Variants in EMILIN2 observed in about 807,000 individuals in gnomAD.
The protein encoded by EMILIN2 is EMILIN-2.
A neutral mutation model predicts 87.1 loss-of-function variants in EMILIN2; 71 were observed. The ratio of observed to expected loss-of-function variants is 0.82; its 90% CI spans 0.67 to 0.99. The LOEUF is 0.99. Ranked by LOEUF, EMILIN2 falls within the 50% of genes least tolerant of loss-of-function variation. The pLI is 0.00. For synonymous variants in EMILIN2, 581 were observed against 563.4 expected (o/e 1.03, Z -0.44); for missense variants, 1,407 against 1,371.8 (o/e 1.03, Z -0.40).
intron 7 of EMILIN2, among the ~76,000 whole-genome samples, chr18:2,911,251 G>A (rs1442613298): frequency 2.0e-5 from 3 of 152,180 alleles, no homozygotes; most frequent in Non-Finnish European, 4.4e-5. Context: ...TCCCTTGGGG[G>A]GCCGTCCGCA....
At chr18:2,846,384 G>A (rs188932420), upstream of EMILIN2, among the ~76,000 whole-genome samples, 40 of 152,374 alleles carry the variant, frequency 2.6e-4, no homozygotes, top group African/African-American at 9.6e-4. The surrounding 1 kb of genome is among the most constrained non-coding windows in gnomAD (Gnocchi z 5.3). Flanking sequence ...TGCAGTAAGT[G>A]ATAGAGCCGG....
Position 2,891,888 on chromosome 18 carries a change from C to G in EMILIN2, c.1761C>G (p.Asn587Lys), listed in dbSNP as rs114143341. The G allele has an allele frequency of 3.0e-5, 49 of 1,614,246 alleles. No individual in the cohort carries two copies. In the East Asian group the frequency reaches 9.8e-4, roughly 32 times the overall value. Residue 587 changes from asparagine to lysine, a missense_variant, in exon 4 of 8, where the codon AAC (asparagine) becomes AAG (lysine). Physicochemically the swap from Asn to Lys is moderately conservative, Grantham distance 94. Transcript: ENST00000254528. The surrounding 1 kb of genome is among the most constrained non-coding windows in gnomAD (Gnocchi z 4.6). ...GCCTGCACCTTTTGAAATCTCTCAA[C>G]GACACGATGCACAGGAAGTTTCAAG... ...RDSLHLLKSL[N>K]DTMHRKFQET...
At chr18:2,873,429 T>C (rs890313566) in intron 2 of EMILIN2, among the ~76,000 whole-genome samples, 6 of 144,154 alleles carry the variant, frequency 4.2e-5, no homozygotes, top group Non-Finnish European at 9.0e-5. Context: ...AATAAATAGC[T>C]GGGCGCGGTA....
At chr18:2,863,478 C>G (rs2076671482) in intron 2 of EMILIN2, among the ~76,000 whole-genome samples, 1 of 152,138 alleles carries the variant, frequency 6.6e-6, no homozygotes, top group Non-Finnish European at 1.5e-5. Context: ...TCGTTATGTA[C>G]CCAGTAGTCA....
Position 2,847,467 on chromosome 18 carries a change from C to A in EMILIN2, c.134+145C>A, listed in dbSNP as rs918715880. On this transcript the variant is annotated intron_variant, in intron 1 of 7. Coordinates refer to ENST00000254528, the MANE Select transcript of EMILIN2 (RefSeq NM_032048.3). This position sits in a 1 kb window ranked among gnomAD's most constrained non-coding sequence, Gnocchi z 4.5. ...CCGGGCGGCTCCCTCTGCGGGGGAC[C>A]GCGCGCTCCGCAGCCGGCGCCTCAG... 3.0e-6 allele frequency: 3 copies of A among 988,310 alleles called. No individual in the cohort carries two copies. The allele number at this position is 988,310 out of a possible 1,614,324, so 61.2% of individuals were successfully genotyped here. A position where few individuals can be genotyped will look rare whatever the true frequency, so the allele number is the denominator to read the frequency against.
rs1043318221 is a variant in EMILIN2, at chr18:2,880,473, G to T, written c.258-4491G>T. On this transcript the variant is annotated intron_variant, in intron 2 of 7. Transcript: ENST00000254528. The surrounding 1 kb of genome is among the most constrained non-coding windows in gnomAD (Gnocchi z 4.1). ...CGAGGCGGCAGGGCGACAGGCCCAG[G>T]GTTACAGCCCCAAGGGCCGCCCCCG... Among the ~76,000 whole-genome samples, 2 of 152,210 alleles carry T rather than the reference G, an allele frequency of 1.3e-5. No individual in the cohort carries two copies. Among genetic ancestry groups the T allele is most frequent in the Non-Finnish European group, 2.9e-5 (2 of 68,032 alleles).
intron 2 of EMILIN2, among the ~76,000 whole-genome samples, chr18:2,860,507 G>C (rs966147017): frequency 6.6e-6 from 1 of 152,088 alleles, no homozygotes; most frequent in Non-Finnish European, 1.5e-5. Context: ...TTGTCCTTGT[G>C]ATAGTTTGCT....
In EMILIN2 at chr18:2,880,610, C is replaced by T. The variant is rs1007179432; in HGVS notation, c.258-4354C>T. On this transcript the variant is annotated intron_variant, in intron 2 of 7. Transcript: ENST00000254528. This position sits in a 1 kb window ranked among gnomAD's most constrained non-coding sequence, Gnocchi z 4.1. ...GCTGCAGCCGAGTCCGCCCCTCCAG[C>T]GCTGCGCAGCCCCGCCGCCTTAACT... Among the ~76,000 whole-genome samples, 2 of 152,236 alleles carry T rather than the reference C, an allele frequency of 1.3e-5. No homozygotes were observed. Among genetic ancestry groups the T allele is most frequent in the Non-Finnish European group, 2.9e-5 (2 of 68,040 alleles).
chr18:2,867,276 ATTC>A (rs1357335614), intron 2 of EMILIN2, among the ~76,000 whole-genome samples: 11 of 151,968 alleles, frequency 7.2e-5, no homozygotes, highest in Non-Finnish European at 1.3e-4. Context: ...ATTGGTACCA[ATTC>A]TTCTTTATTT....
intron 2 of EMILIN2, among the ~76,000 whole-genome samples, chr18:2,876,955 GTTA>G (rs1460052384): frequency 6.6e-6 from 1 of 152,160 alleles, no homozygotes; most frequent in African/African-American, 2.4e-5. Context: ...TTGCTTTCAT[GTTA>G]TTAATTTCTC....
In EMILIN2 at chr18:2,876,683, G is replaced by A. The variant is rs1320485656; in HGVS notation, c.258-8281G>A. Among the ~76,000 whole-genome samples the A allele has an allele frequency of 1.1e-4, 16 of 150,618 alleles. No homozygotes were observed. In the South Asian group the frequency reaches 2.2e-3, roughly 21 times the overall value. On this transcript the variant is annotated intron_variant, in intron 2 of 7. Transcript: ENST00000254528. The stretch of plus-strand genomic sequence containing the variant: ...CGGGAGGCTGAGGCAGGAGAATGGC[G>A]TGAACCCGGGAGGCGGAGCTTGCAG...
chr18:2,882,485 G>T (rs908873755), intron 2 of EMILIN2, among the ~76,000 whole-genome samples: 7 of 152,188 alleles, frequency 4.6e-5, no homozygotes, highest in African/African-American at 1.7e-4. Flanking sequence ...GGGTGTGGTG[G>T]CTCATGCCTG....
At chr18:2,856,831 A>G (rs1453035573) in intron 2 of EMILIN2, among the ~76,000 whole-genome samples, 2 of 152,204 alleles carry the variant, frequency 1.3e-5, no homozygotes, top group Non-Finnish European at 2.9e-5. Context: ...CCTTACAAAG[A>G]ACCATTTTCC....
At position 2,915,177 on chromosome 18, in the gene EMILIN2, G is replaced by A. The variant is rs140308336; in HGVS notation, c.*1773G>A. On this transcript the variant is annotated 3_prime_UTR_variant, in exon 8 of 8. Transcript: ENST00000254528. ...ACTCCGTAGATGGGTCTGGAACATCGGGTAAAACCCAGTCCTCCTCTCAGT... is the reference window on the plus strand; with the variant it reads ...ACTCCGTAGATGGGTCTGGAACATCAGGTAAAACCCAGTCCTCCTCTCAGT... The A allele has an allele frequency of 7.9e-5, 12 of 152,336 alleles. 1 individual carries two copies. The highest frequency in any genetic ancestry group is 3.9e-4 in the East Asian group (2 of 5,188). The allele number at this position is 152,336 out of a possible 1,614,324, so 9.4% of individuals were successfully genotyped here.
intron 2 of EMILIN2, among the ~76,000 whole-genome samples, chr18:2,872,788 G>T (rs2076726796): frequency 6.6e-6 from 1 of 152,140 alleles, no homozygotes; most frequent in African/African-American, 2.4e-5. Context: ...AGTGACCAAA[G>T]ATATAACTGT....
intron 2 of EMILIN2, among the ~76,000 whole-genome samples, chr18:2,868,328 C>CT (rs2076700034): frequency 6.6e-6 from 1 of 152,108 alleles, no homozygotes; most frequent in Non-Finnish European, 1.5e-5. Flanking sequence ...GGCAGCCAGG[C>CT]AGAGGGGCTC....
At chr18:2,869,013 TA>T (rs1288194677) in intron 2 of EMILIN2, among the ~76,000 whole-genome samples, 1 of 151,996 alleles carries the variant, frequency 6.6e-6, no homozygotes, top group Admixed American at 6.6e-5. Context: ...CCAATACCTT[TA>T]AAAGAACAAA....
chr18:2,906,253 C>T (rs2076911581), intron 4 of EMILIN2: 1 of 152,328 alleles, frequency 6.6e-6, no homozygotes, highest in South Asian at 2.1e-4. Context: ...CGTTGGAAGT[C>T]CCTTCCGCTG....
intron 2 of EMILIN2, among the ~76,000 whole-genome samples, chr18:2,871,371 C>G (rs2076719032): frequency 6.6e-6 from 1 of 152,198 alleles, no homozygotes; most frequent in African/African-American, 2.4e-5. Context: ...GCCACCACAC[C>G]TGGCAGGGAC....
Sources: allele counts gnomAD v4.1 joint callset (sites outside exome capture counted in the v4.1 genomes callset), GRCh38; gene constraint gnomAD v4.1.1; non-coding constraint Gnocchi (gnomAD v3.1); transcripts MANE v1.5; gene names NCBI Gene and HGNC (gene_info 2026-07-23, HGNC 2026-07-21).